MYOM3: variants seen among roughly 807,000 people sequenced by gnomAD.
MYOM3 encodes myomesin-3.
Under a neutral mutation model 191.7 loss-of-function variants are expected in MYOM3, and 155 were observed. The ratio of observed to expected loss-of-function variants is 0.81; its 90% confidence interval spans 0.71 to 0.92. The LOEUF (loss-of-function observed/expected upper bound fraction) is 0.92, where lower values mean the gene tolerates loss of function less well. Among genes scored for constraint, MYOM3 ranks in the 40% least tolerant of loss-of-function variants. The pLI is 0.00. For synonymous variants in MYOM3, 757 were observed against 762.9 expected (o/e 0.99, Z 0.13); for missense variants, 1,889 against 1,890.6 (o/e 1.00, Z 0.02).
chr1:24,067,578 C>T (rs954583366), intron 27 of MYOM3, among the ~76,000 whole-genome samples: 2 of 151,686 alleles, frequency 1.3e-5, no homozygotes, highest in African/African-American at 4.9e-5. Flanking sequence ...TCTTGTGGCT[C>T]AGCCTCCTGA....
At chr1:24,076,375 C>T in intron 20 of MYOM3, 102 bp from the exon 21 acceptor site, 1 of 770,566 alleles carries the variant, frequency 1.3e-6, no homozygotes, top group Non-Finnish European at 2.3e-6. Context: ...AAAACCCTCT[C>T]CCTTCTTGTG....
At chr1:24,060,921 C>G in intron 35 of MYOM3, 139 bp downstream of exon 35, 5 of 924,502 alleles carry the variant, frequency 5.4e-6, no homozygotes, top group Non-Finnish European at 8.4e-6. Context: ...CAGGTCTTCC[C>G]TGCAGCTCTG....
In MYOM3 at chr1:24,074,368, T is replaced by C; in HGVS notation, c.2859-99A>G. 4 of 838,192 alleles carry C rather than the reference T, an allele frequency of 4.8e-6. No individual in the cohort carries two copies. The South Asian group carries it at 6.7e-5, about 14-fold the overall frequency. 51.9% of individuals were successfully genotyped at this position (838,192 alleles called of 1,614,324 possible). Reference sequence around the variant, plus strand: ...GAGTCCAGGTTGCTTCTGGTGAGCCTGTACCCCAAGCAGACCCTGGCCAAG... The same window carrying C: ...GAGTCCAGGTTGCTTCTGGTGAGCCCGTACCCCAAGCAGACCCTGGCCAAG... On this transcript the variant is annotated intron_variant, in intron 22 of 36. Transcript: ENST00000374434.
chr1:24,106,039 C>T lies in MYOM3; in HGVS notation c.441G>A (p.Glu147=). Residue 147 remains glutamate (E), a synonymous_variant, in exon 5 of 37, where the codon GAG becomes GAA. Transcript: ENST00000374434. ...EKVQEAKELR[E]LCYGRGPWFW... is the part of the protein sequence containing the mutation. ...ACCAGGGCCCGCGGCCGTAGCACAGCTCCCTCAGCTCCTTGGCCTCCTGGA... is the reference window on the plus strand; with the variant it reads ...ACCAGGGCCCGCGGCCGTAGCACAGTTCCCTCAGCTCCTTGGCCTCCTGGA... The T allele has an allele frequency of 6.2e-7, 1 of 1,613,602 alleles. No individual in the cohort carries two copies. The highest frequency in any genetic ancestry group is 1.1e-5 in the South Asian group (1 of 91,028).
chr1:24,069,626 T>C (rs1200083619), intron 25 of MYOM3, among the ~76,000 whole-genome samples: 1 of 151,820 alleles, frequency 6.6e-6, no homozygotes, highest in Non-Finnish European at 1.5e-5. Context: ...TTTTTTTTTT[T>C]TGAGACAGAG....
chr1:24,090,353 C>CA (rs1460617854), intron 12 of MYOM3, among the ~76,000 whole-genome samples: 1 of 152,160 alleles, frequency 6.6e-6, no homozygotes, highest in Non-Finnish European at 1.5e-5. Context: ...CAAGTGGAGA[C>CA]AGAGAGGAGG....
At chr1:24,066,562 C>T in intron 28 of MYOM3, 1 of 396,568 alleles carries the variant, frequency 2.5e-6, no homozygotes, top group Non-Finnish European at 4.5e-6. Context: ...CAAACCTGGG[C>T]TCTCCCTCTT....
At position 24,092,222 on chromosome 1, in the gene MYOM3, G is replaced by A. The variant is rs373670165; in HGVS notation, c.1184C>T (p.Pro395Leu). Residue 395 changes from proline (P) to leucine (L), a missense_variant, in exon 11 of 37, where the codon CCG (proline) becomes CTG (leucine). Physicochemically the swap from Pro to Leu is moderately conservative, Grantham distance 98 (BLOSUM62 -3). Transcript: ENST00000374434. ...GGGGTTGCCCCGGGTGTCACTGGGC[G>A]GGGCCCAAGTCAGGATGAGGCAGTC... ...NRDCLILTWA[P>L]PSDTRGNPIT... is the part of the protein sequence containing the mutation. 6.1e-5 allele frequency: 89 copies of A among 1,447,286 alleles called. No individual in the cohort carries two copies. Among genetic ancestry groups the A allele is most frequent in the Non-Finnish European group, 7.4e-5 (81 of 1,092,308 alleles). The allele number at this position is 1,447,286 out of a possible 1,614,324, so 89.7% of individuals were successfully genotyped here.
intron 23 of MYOM3, among the ~76,000 whole-genome samples, chr1:24,073,715 T>G (rs560432699): frequency 6.6e-6 from 1 of 151,988 alleles, no homozygotes; most frequent in Admixed American, 6.6e-5. Context: ...ATACAAAAAA[T>G]TAGCCAGCAT....
In MYOM3 at chr1:24,092,310, C is replaced by A. The variant is rs199675940; in HGVS notation, c.1096G>T (p.Glu366Ter). Residue 366 changes from glutamate to a stop codon, truncating the protein, a stop_gained, in exon 11 of 37, where the codon GAG (glutamate) becomes TAG (stop). Transcript: ENST00000374434. LOFTEE classifies it high-confidence loss of function. ...CCTGGGGCCCCGGGGTTCTCGGCCT[C>A]GGCATCTGAAACCCGGGGGTGAGAG... ...QSTYVLVRDA[E>*]AENPGAPGSP... is the part of the protein sequence containing the mutation. 1 of 1,352,876 alleles carries A rather than the reference C, an allele frequency of 7.4e-7. No homozygotes were observed. The highest frequency in any genetic ancestry group is 9.6e-7 in the Non-Finnish European group (1 of 1,042,766). The allele number at this position is 1,352,876 out of a possible 1,614,324, so 83.8% of individuals were successfully genotyped here. A position where few individuals can be genotyped will look rare whatever the true frequency, so the allele number is the denominator to read the frequency against.
chr1:24,082,295 C>A, intron 17 of MYOM3, 107 bp from the exon 18 acceptor site: 1 of 1,093,168 alleles, frequency 9.1e-7, no homozygotes, highest in South Asian at 1.7e-5. Context: ...GCCTGCCCTA[C>A]TCCAGGGGTT....
At chr1:24,058,167 C>G (rs1643326704) in intron 36 of MYOM3, among the ~76,000 whole-genome samples, 1 of 152,162 alleles carries the variant, frequency 6.6e-6, no homozygotes, top group African/African-American at 2.4e-5. Context: ...ATTACTCTCG[C>G]AATTATCGGT....
At position 24,067,980 on chromosome 1, in the gene MYOM3, C is replaced by T. The variant is rs1347273037; in HGVS notation, c.3345G>A (p.Lys1115=). ...RKADAKRRDW[K]RKQGPYFERP... ...CCCAGCAGCTCTTACCCTGTTTTCTCTTCCAGTCCCTTCTCTTAGCATCTG... is the reference window on the plus strand; with the variant it reads ...CCCAGCAGCTCTTACCCTGTTTTCTTTTCCAGTCCCTTCTCTTAGCATCTG... The change falls in exon 27 of 37, where the codon AAG becomes AAA. Residue 1115 remains lysine (K), a synonymous_variant. Coordinates refer to ENST00000374434, the MANE Select transcript of MYOM3 (RefSeq NM_152372.4). 1 of 1,614,206 alleles carries T rather than the reference C, an allele frequency of 6.2e-7. No individual in the cohort carries two copies. The highest frequency in any genetic ancestry group is 8.5e-7 in the Non-Finnish European group (1 of 1,180,010).
chr1:24,074,782 C>T (rs539826059), intron 22 of MYOM3, among the ~76,000 whole-genome samples: 159 of 152,328 alleles, frequency 1.0e-3, no homozygotes, highest in Non-Finnish European at 1.9e-3. Context: ...GAAAAGGAAT[C>T]TCCAAAAGAA....
chr1:24,086,013 T>A (rs1000852032), intron 15 of MYOM3, among the ~76,000 whole-genome samples: 19 of 152,098 alleles, frequency 1.2e-4, no homozygotes, highest in African/African-American at 4.6e-4. Flanking sequence ...GGGAATCTGA[T>A]GAGAGGGTAA....
At chr1:24,097,213 C>T (rs1426819169) in intron 7 of MYOM3, among the ~76,000 whole-genome samples, 2 of 152,144 alleles carry the variant, frequency 1.3e-5, no homozygotes, top group South Asian at 2.1e-4. Context: ...CCCTGAGGAC[C>T]CCTCAGCAGG....
At position 24,082,644 on chromosome 1, in the gene MYOM3, C is replaced by T. The variant is rs774313562; in HGVS notation, c.2041G>A (p.Val681Ile). The T allele has an allele frequency of 1.2e-6, 2 of 1,612,720 alleles. No homozygotes were observed. The highest frequency in any genetic ancestry group is 1.1e-5 in the South Asian group (1 of 90,712). ...FCVRSVSEAG[V>I]GESSAATEPI... ...TCGGTGGCGGCTGAGCTCTCGCCTA[C>T]CCCAGCCTCGCTGACTGACCTGACA... is the stretch of plus-strand genomic sequence containing the variant. The change falls in exon 17 of 37, where the codon GTA becomes ATA. Residue 681 changes from valine (V) to isoleucine (I), a missense_variant. Physicochemically the swap from Val to Ile is conservative, Grantham distance 29. Transcript: ENST00000374434.
chr1:24,078,528 C>G (rs1428847181), intron 20 of MYOM3, among the ~76,000 whole-genome samples: 1 of 152,212 alleles, frequency 6.6e-6, no homozygotes, highest in South Asian at 2.1e-4. Flanking sequence ...CTTCTTGAGC[C>G]TGCCTTCTTT....
chr1:24,101,946 C>T (rs1643940227), intron 5 of MYOM3, among the ~76,000 whole-genome samples: 2 of 152,058 alleles, frequency 1.3e-5, no homozygotes, highest in South Asian at 4.1e-4. Flanking sequence ...GTGAGTGACA[C>T]TTAGGAGGCC....
Sources: gnomAD v4.1 joint callset for allele counts (sites outside exome capture counted in the v4.1 genomes callset) on GRCh38, gnomAD v4.1.1 for gene constraint, MANE v1.5 for transcripts, NCBI Gene and HGNC (gene_info 2026-07-23, HGNC 2026-07-21) for gene names.